Variants in ADGRV1 observed in about 807,000 individuals in gnomAD.
The protein encoded by ADGRV1 is adhesion G protein-coupled receptor V1.
In ADGRV1, 359 loss-of-function variants were observed where a neutral mutation model predicts 596.2. The ratio of observed to expected loss-of-function variants is 0.60; its 90% CI spans 0.55 to 0.66. The LOEUF is 0.66. Ranked by LOEUF, ADGRV1 falls within the 30% of genes least tolerant of loss-of-function variation. The probability of loss-of-function intolerance (pLI) is 0.00; values close to 1 mark genes in which losing one functional copy is unlikely to be tolerated. For synonymous variants in ADGRV1, 2,681 were observed against 2,679.2 expected (o/e 1.00, Z -0.02); for missense variants, 7,274 against 7,575.6 (o/e 0.96, Z 1.48).
At chr5:90,741,633 TA>T (rs1753972970) in intron 50 of ADGRV1, among the ~76,000 whole-genome samples, 1 of 152,278 alleles carries the variant, frequency 6.6e-6, no homozygotes, top group African/African-American at 2.4e-5. Flanking sequence ...TTTAAAGATT[TA>T]AAAAATATAT....
At chr5:91,067,851 CA>C (rs1315538403) in intron 85 of ADGRV1, among the ~76,000 whole-genome samples, 34 of 152,236 alleles carry the variant, frequency 2.2e-4, no homozygotes, top group Middle Eastern at 6.8e-3. Context: ...CATTTGAAGC[CA>C]ATATGCATAA....
At chr5:90,720,860 A>G in intron 44 of ADGRV1, 75 bp from the exon 45 acceptor site, 1 of 1,232,380 alleles carries the variant, frequency 8.1e-7, no homozygotes, top group Non-Finnish European at 1.1e-6. Flanking sequence ...AGTATATGCT[A>G]GCAATATGAT....
chr5:90,944,201 A>G (rs1218198115), intron 83 of ADGRV1, among the ~76,000 whole-genome samples: 1 of 152,098 alleles, frequency 6.6e-6, no homozygotes, highest in Non-Finnish European at 1.5e-5. Context: ...CCTCTGGCTA[A>G]TTGTCTTCAT....
At chr5:91,089,713 T>C (rs1329999243) in intron 86 of ADGRV1, among the ~76,000 whole-genome samples, 1 of 152,340 alleles carries the variant, frequency 6.6e-6, no homozygotes, top group East Asian at 1.9e-4. Flanking sequence ...GAGTGCTAAC[T>C]GATGTCTTAT....
chr5:90,829,313 AT>A, intron 77 of ADGRV1, 127 bp downstream of exon 77: 1 of 837,824 alleles, frequency 1.2e-6, no homozygotes, highest in Non-Finnish European at 1.7e-6. Flanking sequence ...CTTTTTATTC[AT>A]TACATTAAGC....
Position 90,596,694 on chromosome 5 carries a change from G to A in ADGRV1, c.23-18141G>A, listed in dbSNP as rs546619821. Reference sequence around the variant, plus strand: ...AATTGCAGGCACTCCGCAGGCTGAGGCAGGAGAATCAGGCAGGGCGGTTGC... The same window carrying A: ...AATTGCAGGCACTCCGCAGGCTGAGACAGGAGAATCAGGCAGGGCGGTTGC... On this transcript the variant is annotated intron_variant, in intron 1 of 89. Transcript: ENST00000405460. 6.6e-5 allele frequency among the ~76,000 whole-genome samples: 10 copies of A among 152,328 alleles called. No individual in the cohort carries two copies. In the South Asian group the frequency reaches 2.1e-3, roughly 32 times the overall value.
At chr5:91,112,817 C>T (rs1287834122) in intron 87 of ADGRV1, among the ~76,000 whole-genome samples, 1 of 152,120 alleles carries the variant, frequency 6.6e-6, no homozygotes, top group Non-Finnish European at 1.5e-5. Flanking sequence ...GAGTTATCCG[C>T]TTTTCAGAGG....
chr5:90,956,415 C>A (rs6452916), intron 83 of ADGRV1, among the ~76,000 whole-genome samples: 18,325 of 152,036 alleles, frequency 0.12, 1,748 homozygotes, highest in East Asian at 0.25. Flanking sequence ...GACTCAGTAC[C>A]ATCAGTAAAG....
intron 83 of ADGRV1, 30 bp downstream of exon 83, chr5:90,863,887 C>T (rs747714174): frequency 3.7e-5 from 50 of 1,356,388 alleles, no homozygotes; most frequent in Middle Eastern, 1.8e-4. Context: ...TTTGATTTAT[C>T]GTGAGATGTT....
intron 83 of ADGRV1, among the ~76,000 whole-genome samples, chr5:90,923,734 A>T (rs1317863758): frequency 6.6e-6 from 1 of 152,008 alleles, no homozygotes; most frequent in Admixed American, 6.6e-5. Context: ...CACCCACTAA[A>T]TCGTCATCTA....
chr5:90,653,650 C>T lies in ADGRV1; in HGVS notation c.4076C>T (p.Ala1359Val). Reference sequence around the variant, plus strand: ...ACAATTGCCAACTTTACATTCTCAGCTTGGGTAATGCCCAATGCCAATACG... The same window carrying T: ...ACAATTGCCAACTTTACATTCTCAGTTTGGGTAATGCCCAATGCCAATACG... ...NNTIANFTFS[A>V]WVMPNANTNG... Residue 1359 changes from alanine to valine, a missense_variant, in exon 20 of 90, where the codon GCT becomes GTT. Ala to Val is a moderately conservative substitution (Grantham distance 64, BLOSUM62 0). Around this residue, in one of 5 missense-constraint regions of ADGRV1, gnomAD observed 1,715 missense variants for 1,708.8 expected, o/e 1.00. Transcript: ENST00000405460. 3.7e-6 allele frequency: 6 copies of T among 1,613,402 alleles called. No homozygotes were observed. Among genetic ancestry groups the T allele is most frequent in the Non-Finnish European group, 5.1e-6 (6 of 1,179,684 alleles).
chr5:91,120,278 A>T (rs566457207), intron 87 of ADGRV1, among the ~76,000 whole-genome samples: 1 of 152,308 alleles, frequency 6.6e-6, no homozygotes, highest in South Asian at 2.1e-4. Context: ...TGTCAGCCAG[A>T]TCTTCTGATT....
chr5:90,934,475 CA>C (rs1258731365), intron 83 of ADGRV1, among the ~76,000 whole-genome samples: 1 of 152,138 alleles, frequency 6.6e-6, no homozygotes, highest in Non-Finnish European at 1.5e-5. Flanking sequence ...CTCCTTTTAG[CA>C]ACCTGCCCAC....
chr5:90,923,101 A>G lies in ADGRV1; in HGVS notation c.17857-42314A>G, dbSNP rs115806356. Among the ~76,000 whole-genome samples the G allele has an allele frequency of 5.6e-3, 860 of 152,354 alleles. 9 individuals carry two copies. The highest frequency in any genetic ancestry group is 0.02 in the African/African-American group (829 of 41,584). ...ATTTATTTCTATGAGAAATAGAAGC[A>G]TTTTTGCACCTTCTAAACCATATCC... is the stretch of plus-strand genomic sequence containing the variant. On this transcript the variant is annotated intron_variant, in intron 83 of 89. Transcript: ENST00000405460.
chr5:90,641,838 C>T lies in ADGRV1; in HGVS notation c.2241-798C>T, dbSNP rs551388768. Among the ~76,000 whole-genome samples the T allele has an allele frequency of 2.0e-5, 3 of 152,272 alleles. No homozygotes were observed. In the South Asian group the frequency reaches 6.2e-4, roughly 32 times the overall value. On this transcript the variant is annotated intron_variant, in intron 11 of 89. Transcript: ENST00000405460. ...TTAAGAGCCTGCTGGCTTTTAAACT[C>T]TCAGAACATTGCAGTCCAAGTCCCT...
intron 1 of ADGRV1, among the ~76,000 whole-genome samples, chr5:90,596,238 C>T (rs1165103714): frequency 4.6e-5 from 7 of 150,816 alleles, no homozygotes; most frequent in Non-Finnish European, 5.9e-5. Context: ...TGATGGCGGC[C>T]GGGAAGAGGC....
In ADGRV1 at chr5:90,653,519, A is replaced by G; in HGVS notation, c.3945A>G (p.Gln1315=). 1.2e-6 allele frequency: 2 copies of G among 1,613,940 alleles called. No homozygotes were observed. Among genetic ancestry groups the G allele is most frequent in the Middle Eastern group, 1.7e-4 (1 of 6,060 alleles). The change falls in exon 20 of 90, where the codon CAA becomes CAG. Residue 1315 remains glutamine (Q), a synonymous_variant. Transcript: ENST00000405460. ...VGIFPTTVHL[Q]QHMRRHHSGT... is the part of the protein sequence containing the mutation. ...TTTTCCCCACCACCGTGCATTTACA[A>G]CAGCACATGCGGCGTCACCACAGTG...
At chr5:90,683,189 G>A (rs989877100) in intron 27 of ADGRV1, among the ~76,000 whole-genome samples, 20 of 151,316 alleles carry the variant, frequency 1.3e-4, no homozygotes, top group African/African-American at 4.1e-4. Context: ...TGCAACAATC[G>A]CCTTTGAAAT....
chr5:90,897,039 C>A (rs4643990), intron 83 of ADGRV1, among the ~76,000 whole-genome samples: 2 of 152,208 alleles, frequency 1.3e-5, no homozygotes, highest in Non-Finnish European at 2.9e-5. Flanking sequence ...GTGATTCTTT[C>A]ACATGTATTT....
Sources: gnomAD v4.1 joint callset for allele counts (sites outside exome capture counted in the v4.1 genomes callset) on GRCh38, gnomAD v4.1.1 for gene constraint, gnomAD v4.1.1 regional missense constraint, MANE v1.5 for transcripts, NCBI Gene and HGNC (gene_info 2026-07-23, HGNC 2026-07-21) for gene names.